Variants in HNF4G observed in about 807,000 individuals in gnomAD.
HNF4G encodes the protein hepatocyte nuclear factor 4 gamma, also known as hepatocyte nuclear factor 4-gamma.
Under a neutral mutation model 50.9 loss-of-function variants are expected in HNF4G, and 21 were observed. The observed-to-expected ratio is 0.41, with a 90% CI of 0.29 to 0.59. The LOEUF is 0.59. Among genes scored for constraint, HNF4G ranks in the 20% least tolerant of loss-of-function variants. HNF4G has a pLI of 0.26. For missense variants in HNF4G, 527 were observed against 559.4 expected (o/e 0.94, Z 0.58); for synonymous variants, 198 against 185.6 (o/e 1.07, Z -0.54).
At chr8:75,454,052 T>C (rs985953365) in intron 1 of HNF4G, among the ~76,000 whole-genome samples, 9 of 143,770 alleles carry the variant, frequency 6.3e-5, no homozygotes, top group South Asian at 2.3e-4. Flanking sequence ...TCTCTCTCTC[T>C]CCCTCCCTCC....
chr8:75,531,014 G>A (rs1304731938), intron 2 of HNF4G, among the ~76,000 whole-genome samples: 5 of 151,890 alleles, frequency 3.3e-5, no homozygotes, highest in Admixed American at 6.6e-5. Flanking sequence ...GGCTGGTCTC[G>A]AACTCCTGAC....
chr8:75,550,504 G>C (rs768524902), intron 3 of HNF4G, among the ~76,000 whole-genome samples: 5 of 151,874 alleles, frequency 3.3e-5, no homozygotes, highest in Non-Finnish European at 7.4e-5. Flanking sequence ...GTAGAGACGA[G>C]GTTTCACCAT....
intron 1 of HNF4G, among the ~76,000 whole-genome samples, chr8:75,445,139 T>C (rs1811394220): frequency 7.3e-6 from 1 of 137,448 alleles, no homozygotes; most frequent in African/African-American, 2.8e-5. Context: ...TCAAAGCGGC[T>C]CAACTACATG....
chr8:75,530,913 C>T (rs968028281), intron 2 of HNF4G, among the ~76,000 whole-genome samples: 6 of 151,658 alleles, frequency 4.0e-5, no homozygotes, highest in Non-Finnish European at 7.4e-5. Context: ...CCACCTCAGC[C>T]TCCCCAGTAG....
chr8:75,463,812 T>C (rs2130613064), intron 1 of HNF4G, among the ~76,000 whole-genome samples: 1 of 151,664 alleles, frequency 6.6e-6, no homozygotes, highest in East Asian at 1.9e-4. Flanking sequence ...TTTGTTCTTG[T>C]TGCCCAGGCT....
intron 1 of HNF4G, among the ~76,000 whole-genome samples, chr8:75,441,612 G>C (rs960046491): frequency 1.3e-5 from 2 of 152,144 alleles, no homozygotes; most frequent in African/African-American, 4.8e-5. Context: ...AGCAGATCTT[G>C]ATAACTGTTT....
At position 75,412,939 on chromosome 8, in the gene HNF4G, G is replaced by A. The variant is rs190075433; in HGVS notation, c.-144+4777G>A. On this transcript the variant is annotated intron_variant, in intron 1 of 10. Transcript: ENST00000354370. ...AGATAATTATAATTAGTATAATACCGTGGAAAACAGAAGCAAAAAGGGTAC... is the reference window on the plus strand; with the variant it reads ...AGATAATTATAATTAGTATAATACCATGGAAAACAGAAGCAAAAAGGGTAC... Among the ~76,000 whole-genome samples, 235 of 152,150 alleles carry A rather than the reference G, an allele frequency of 1.5e-3. 1 individual carries two copies. Among genetic ancestry groups the A allele is most frequent in the Non-Finnish European group, 2.5e-3 (170 of 68,002 alleles).
intron 2 of HNF4G, among the ~76,000 whole-genome samples, chr8:75,515,313 T>G (rs2977916): frequency 0.8 from 121,755 of 152,128 alleles, 49,557 homozygotes; most frequent in African/African-American, 0.95. Context: ...GAGATTTTAG[T>G]TTATTGATTT....
At chr8:75,496,528 A>T (rs949289284) in intron 2 of HNF4G, among the ~76,000 whole-genome samples, 1 of 152,010 alleles carries the variant, frequency 6.6e-6, no homozygotes, top group African/African-American at 2.4e-5. Context: ...TTAAACAGCC[A>T]CCAGAATTCT....
intron 2 of HNF4G, among the ~76,000 whole-genome samples, chr8:75,511,259 G>A (rs1805744003): frequency 6.6e-6 from 1 of 152,266 alleles, no homozygotes; most frequent in African/African-American, 2.4e-5. Flanking sequence ...GGAATGCCAT[G>A]TGGATATCAA....
At chr8:75,535,022 T>C (rs1174611283), upstream of HNF4G, among the ~76,000 whole-genome samples, 1 of 151,808 alleles carries the variant, frequency 6.6e-6, no homozygotes, top group East Asian at 1.9e-4. Context: ...AATGAGTTAA[T>C]GCGATTGCAT....
intron 2 of HNF4G, among the ~76,000 whole-genome samples, chr8:75,491,695 C>G (rs2130683588): frequency 6.6e-6 from 1 of 152,240 alleles, no homozygotes; most frequent in South Asian, 2.1e-4. Flanking sequence ...AGGCTGGTCT[C>G]AAATACCTGA....
chr8:75,558,574 A>T lies in HNF4G; in HGVS notation c.790A>T (p.Asn264Tyr). 1 of 1,614,000 alleles carries T rather than the reference A, an allele frequency of 6.2e-7. No individual in the cohort carries two copies. Among genetic ancestry groups the T allele is most frequent in the Non-Finnish European group, 8.5e-7 (1 of 1,179,860 alleles). The stretch of plus-strand genomic sequence containing the variant: ...TGAAGTTGAGATTAGCCGTGTGGCC[A>T]ATCGTGTTCTAGATGAGCTGGTTAG... ...SCEVEISRVA[N>Y]RVLDELVRPF... The change falls in exon 7 of 10, where the codon AAT (asparagine) becomes TAT (tyrosine). Residue 264 changes from asparagine (N) to tyrosine (Y), a missense_variant. Asn to Tyr is a moderately radical substitution (Grantham distance 143, BLOSUM62 -2). Transcript: ENST00000396423.
At chr8:75,432,310 T>TTTTA (rs1049990301) in intron 1 of HNF4G, among the ~76,000 whole-genome samples, 38 of 151,530 alleles carry the variant, frequency 2.5e-4, no homozygotes, top group Admixed American at 1.6e-3. Flanking sequence ...AAAGAATTTG[T>TTTTA]TTTATTTATT....
At position 75,564,351 on chromosome 8, in the gene HNF4G, G is replaced by T; in HGVS notation, c.*255G>T. On this transcript the variant is annotated 3_prime_UTR_variant, in exon 10 of 10. Transcript: ENST00000396423. ...TATTTTTTCCAACTGCCCCTGCATTGTGCCTGAACCAATTGAATCTTATGT... is the reference window on the plus strand; with the variant it reads ...TATTTTTTCCAACTGCCCCTGCATTTTGCCTGAACCAATTGAATCTTATGT... 1 of 328,808 alleles carries T rather than the reference G, an allele frequency of 3.0e-6. No individual in the cohort carries two copies. The highest frequency in any genetic ancestry group is 5.6e-6 in the Non-Finnish European group (1 of 179,476). The allele number at this position is 328,808 out of a possible 1,614,324, so 20.4% of individuals were successfully genotyped here.
intron 1 of HNF4G, among the ~76,000 whole-genome samples, chr8:75,451,409 T>G (rs2130579896): frequency 6.6e-6 from 1 of 152,214 alleles, no homozygotes; most frequent in East Asian, 1.9e-4. Context: ...AAAAAAAAAT[T>G]ATTGCCCAGA....
At chr8:75,532,411 G>T (rs1429762798) in intron 2 of HNF4G, among the ~76,000 whole-genome samples, 1 of 152,044 alleles carries the variant, frequency 6.6e-6, no homozygotes, top group Non-Finnish European at 1.5e-5. Flanking sequence ...TAAGGGAAAT[G>T]ATCTTAATAC....
At chr8:75,437,888 T>C (rs1214577171) in intron 1 of HNF4G, among the ~76,000 whole-genome samples, 5 of 152,164 alleles carry the variant, frequency 3.3e-5, no homozygotes, top group Non-Finnish European at 7.4e-5. Flanking sequence ...GTGATTATTA[T>C]AAATTAATAT....
intron 1 of HNF4G, among the ~76,000 whole-genome samples, chr8:75,441,165 T>A (rs924831520): frequency 1.3e-5 from 2 of 152,224 alleles, no homozygotes; most frequent in Non-Finnish European, 1.5e-5. Context: ...GTTTTTATTT[T>A]ATTATCCTAA....
Sources: gnomAD v4.1 joint callset for allele counts (sites outside exome capture counted in the v4.1 genomes callset) on GRCh38, gnomAD v4.1.1 for gene constraint, MANE v1.5 for transcripts, NCBI Gene and HGNC (gene_info 2026-07-23, HGNC 2026-07-21) for gene names.